GPRC5A: variants seen among roughly 807,000 people sequenced by gnomAD.
The protein encoded by GPRC5A is retinoic acid-induced protein 3.
GPRC5A carries 19 observed loss-of-function variants against 22.5 expected under a neutral mutation model. That is an observed-to-expected ratio of 0.85 (90% confidence interval 0.59 to 1.24). GPRC5A has a LOEUF of 1.24. Ranked by LOEUF, GPRC5A falls within the 50% of genes most tolerant of loss-of-function variation. The pLI is 0.00. For synonymous variants in GPRC5A, 192 were observed against 184.5 expected, an observed-to-expected ratio of 1.04 and a Z score of -0.33; for missense variants, 471 against 451.1, an observed-to-expected ratio of 1.04 and a Z score of -0.40.
At chr12:12,904,404 C>T (rs1367004383) in intron 1 of GPRC5A, among the ~76,000 whole-genome samples, 1 of 152,104 alleles carries the variant, frequency 6.6e-6, no homozygotes, top group African/African-American at 2.4e-5. Flanking sequence ...GTAGCGATGG[C>T]TGTGGTGTAG....
intron 1 of GPRC5A, among the ~76,000 whole-genome samples, chr12:12,894,772 G>T (rs1162534085): frequency 1.5e-5 from 1 of 67,462 alleles, no homozygotes; most frequent in South Asian, 6.9e-4. Context: ...GTCTAGGATG[G>T]TTTTTTTTTT....
At chr12:12,896,330 C>T (rs907075212) in intron 1 of GPRC5A, among the ~76,000 whole-genome samples, 2 of 152,148 alleles carry the variant, frequency 1.3e-5, no homozygotes, top group African/African-American at 4.8e-5. Context: ...CATAGAAACT[C>T]AATTCAGTGA....
In GPRC5A at chr12:12,908,982, C is replaced by T. The variant is rs150619249; in HGVS notation, c.733C>T (p.Leu245Phe). The stretch of plus-strand genomic sequence containing the variant: ...TGACCGCAGGTGGGATGACACCATC[C>T]TCAGCTCCGCCTTGGCTGCCAATGG... Reference protein sequence around the residue: ...DFDRRWDDTILSSALAANGWV... With the variant: ...DFDRRWDDTIFSSALAANGWV... Residue 245 changes from leucine to phenylalanine, a missense_variant, in exon 2 of 4, where the codon CTC (leucine) becomes TTC (phenylalanine). Coordinates refer to ENST00000014914, the MANE Select transcript of GPRC5A (RefSeq NM_003979.4). 5 of 1,614,058 alleles carry T rather than the reference C, an allele frequency of 3.1e-6. No homozygotes were observed. The African/African-American group carries it at 6.7e-5, about 22-fold the overall frequency.
intron 1 of GPRC5A, among the ~76,000 whole-genome samples, chr12:12,901,158 C>T (rs1456643098): frequency 2.0e-5 from 3 of 152,244 alleles, no homozygotes; most frequent in African/African-American, 7.2e-5. Flanking sequence ...CCAGAGGCTA[C>T]TCATGCTGAA....
Position 12,902,822 on chromosome 12 carries a change from C to T in GPRC5A, c.-7-5421C>T, listed in dbSNP as rs543997659. Among the ~76,000 whole-genome samples, 614 of 152,228 alleles carry T rather than the reference C, an allele frequency of 4.0e-3. 1 individual carries two copies. The highest frequency in any genetic ancestry group is 6.7e-3 in the Non-Finnish European group (453 of 68,000). The stretch of plus-strand genomic sequence containing the variant: ...GTGGCTCACGCCTGTAATCCCAGCA[C>T]TTTGGGATGCTGAGGTGGGTGGATC... On this transcript the variant is annotated intron_variant, in intron 1 of 3. Coordinates refer to ENST00000014914, the MANE Select transcript of GPRC5A (RefSeq NM_003979.4).
chr12:12,896,538 G>A (rs906207208), intron 1 of GPRC5A, among the ~76,000 whole-genome samples: 5 of 152,136 alleles, frequency 3.3e-5, no homozygotes, highest in Non-Finnish European at 7.3e-5. Flanking sequence ...GTAGAAATAC[G>A]AGGATTAACA....
intron 1 of GPRC5A, among the ~76,000 whole-genome samples, chr12:12,904,735 T>C (rs1863923395): frequency 6.6e-6 from 1 of 152,128 alleles, no homozygotes; most frequent in African/African-American, 2.4e-5. Flanking sequence ...TGATAATATA[T>C]ATTCACATGA....
chr12:12,898,429 G>C (rs550404959), intron 1 of GPRC5A, among the ~76,000 whole-genome samples: 31 of 152,222 alleles, frequency 2.0e-4, no homozygotes, highest in African/African-American at 7.2e-4. Flanking sequence ...TATTCAGGAG[G>C]CTGAGGTAGG....
chr12:12,902,561 C>G (rs1249693469), intron 1 of GPRC5A, among the ~76,000 whole-genome samples: 2 of 149,800 alleles, frequency 1.3e-5, no homozygotes, highest in Non-Finnish European at 3.0e-5. Context: ...GCCAGGAGTT[C>G]AAGACCAGCC....
chr12:12,899,663 A>G (rs186914039), intron 1 of GPRC5A, among the ~76,000 whole-genome samples: 1 of 152,292 alleles, frequency 6.6e-6, no homozygotes, highest in Admixed American at 6.5e-5. Flanking sequence ...ATAGTGCCTG[A>G]CTCATAATAG....
chr12:12,910,958 C>T (rs1265754285), intron 2 of GPRC5A, among the ~76,000 whole-genome samples: 1 of 151,356 alleles, frequency 6.6e-6, no homozygotes, highest in East Asian at 2.0e-4. Flanking sequence ...ACAAGCTCTG[C>T]CTCCCAGGTT....
rs777267333 is a variant in GPRC5A, at chr12:12,912,585, G to A, written c.*46G>A. The A allele has an allele frequency of 2.6e-6, 3 of 1,153,514 alleles. No homozygotes were observed. In the South Asian group the frequency reaches 3.7e-5, roughly 14 times the overall value. The allele number at this position is 1,153,514 out of a possible 1,614,324, so 71.5% of individuals were successfully genotyped here. A position where few individuals can be genotyped will look rare whatever the true frequency, so the allele number is the denominator to read the frequency against. Reference sequence around the variant, plus strand: ...CAAATGCAGCCGGGCGGCAGATCTAGCGGGAGCTCAAAGGGATGTGGGCGA... The same window carrying A: ...CAAATGCAGCCGGGCGGCAGATCTAACGGGAGCTCAAAGGGATGTGGGCGA... On this transcript the variant is annotated 3_prime_UTR_variant, in exon 4 of 4. Transcript: ENST00000014914.
intron 1 of GPRC5A, among the ~76,000 whole-genome samples, chr12:12,893,085 T>C (rs1863781137): frequency 6.6e-6 from 1 of 152,278 alleles, no homozygotes; most frequent in Non-Finnish European, 1.5e-5. Flanking sequence ...ACCCTTTGGT[T>C]TCCCGGGAAG....
At chr12:12,899,125 C>A (rs1037513780) in intron 1 of GPRC5A, among the ~76,000 whole-genome samples, 1 of 152,112 alleles carries the variant, frequency 6.6e-6, no homozygotes, top group African/African-American at 2.4e-5. Context: ...AGTTCCTGGG[C>A]TCAAGCAATC....
intron 1 of GPRC5A, chr12:12,892,053 T>C (rs2241228): frequency 0.53 from 80,650 of 151,168 alleles, 22,014 homozygotes; most frequent in Non-Finnish European, 0.59. Flanking sequence ...GTACTGGGAG[T>C]GGAGGGGGAG....
chr12:12,908,236 T>A lies in GPRC5A; in HGVS notation c.-7-7T>A. On this transcript the variant is annotated splice_polypyrimidine_tract_variant and splice_region_variant and intron_variant, in intron 1 of 3. Transcript: ENST00000014914. ...CTTCTCCCCACTCCAACATTCCTTT[T>A]CTGCAGGTCCAGAATGGCTACAACA... 2 of 1,532,568 alleles carry A rather than the reference T, an allele frequency of 1.3e-6. No homozygotes were observed. The highest frequency in any genetic ancestry group is 1.8e-6 in the Non-Finnish European group (2 of 1,134,670). The allele number at this position is 1,532,568 out of a possible 1,614,324, so 94.9% of individuals were successfully genotyped here. A position where few individuals can be genotyped will look rare whatever the true frequency, so the allele number is the denominator to read the frequency against.
At chr12:12,906,273 G>T (rs1487053643) in intron 1 of GPRC5A, among the ~76,000 whole-genome samples, 2 of 152,174 alleles carry the variant, frequency 1.3e-5, no homozygotes, top group African/African-American at 4.8e-5. Flanking sequence ...AGAGTGATTA[G>T]AAGTAAAAAT....
intron 1 of GPRC5A, among the ~76,000 whole-genome samples, chr12:12,903,293 T>A (rs1230014293): frequency 6.6e-6 from 1 of 152,124 alleles, no homozygotes; most frequent in Non-Finnish European, 1.5e-5. Flanking sequence ...TTTAATTTTT[T>A]AAAAATAGAC....
chr12:12,912,736 C>T lies in GPRC5A; in HGVS notation c.*197C>T, dbSNP rs1199025320. 1.8e-5 allele frequency: 9 copies of T among 497,042 alleles called. No homozygotes were observed. The highest frequency in any genetic ancestry group is 3.6e-5 in the Admixed American group (1 of 27,996). The allele number at this position is 497,042 out of a possible 1,614,324, so 30.8% of individuals were successfully genotyped here. On this transcript the variant is annotated 3_prime_UTR_variant, in exon 4 of 4. Coordinates refer to ENST00000014914, the MANE Select transcript of GPRC5A (RefSeq NM_003979.4). ...CTAGTAAGACTCCAGTTCTTAGAGG[C>T]GCTGTAGTATTTTTTTTTTTTTGTC...
Sources: allele counts gnomAD v4.1 joint callset (sites outside exome capture counted in the v4.1 genomes callset), GRCh38; gene constraint gnomAD v4.1.1; transcripts MANE v1.5; gene names NCBI Gene and HGNC (gene_info 2026-07-23, HGNC 2026-07-21).